The following OXCT1 variants were observed in gnomAD, a reference collection of about 807,000 sequenced individuals.
OXCT1 encodes 3-oxoacid CoA-transferase 1, also known as succinyl-CoA:3-ketoacid coenzyme A transferase 1, mitochondrial.
OXCT1 carries 27 observed loss-of-function variants against 69.6 expected under a neutral mutation model. The observed-to-expected ratio is 0.39, with a 90% CI of 0.29 to 0.54. The LOEUF is 0.54. Ranked by LOEUF, OXCT1 falls within the 20% of genes least tolerant of loss-of-function variation. OXCT1 has a pLI of 0.72. For synonymous variants in OXCT1, 202 were observed against 217.8 expected (o/e 0.93, Z 0.64); for missense variants, 437 against 650.2 (o/e 0.67, Z 3.57).
At chr5:41,860,580 C>T (rs995947081) in intron 3 of OXCT1, among the ~76,000 whole-genome samples, 2 of 152,114 alleles carry the variant, frequency 1.3e-5, no homozygotes, top group Non-Finnish European at 2.9e-5. Flanking sequence ...AAATAACCTA[C>T]ACTATTTATT....
At position 41,853,400 on chromosome 5, in the gene OXCT1, GA is replaced by G. The variant is rs138986017; in HGVS notation, c.414+18del. 148 of 1,610,886 alleles carry G rather than the reference GA, an allele frequency of 9.2e-5. No individual in the cohort carries two copies. The East Asian group carries it at 2.5e-3, about 27-fold the overall frequency. ...TTTAAAGTAAGTTAGTATTATAAAA[GA>G]AAAGCAAATTTTCTCACCTGTGGTG... On this transcript the variant is annotated intron_variant, in intron 4 of 16. Coordinates refer to ENST00000196371, the MANE Select transcript of OXCT1 (RefSeq NM_000436.4).
intron 7 of OXCT1, among the ~76,000 whole-genome samples, chr5:41,813,344 G>A (rs1355890212): frequency 1.3e-5 from 2 of 152,036 alleles, no homozygotes; most frequent in Admixed American, 1.3e-4. Context: ...TAAAGCCTTA[G>A]GGGGAAGTCT....
chr5:41,739,172 CCTGCTT>C (rs1743034453), intron 16 of OXCT1, among the ~76,000 whole-genome samples: 1 of 152,228 alleles, frequency 6.6e-6, no homozygotes. Flanking sequence ...GTGTCCCCTT[CCTGCTT>C]CTGAGTCCTA....
chr5:41,788,808 A>G (rs1440392703), intron 13 of OXCT1, among the ~76,000 whole-genome samples: 4 of 152,186 alleles, frequency 2.6e-5, no homozygotes, highest in Non-Finnish European at 4.4e-5. Flanking sequence ...AGAACACTGT[A>G]CCCAACAAGA....
chr5:41,822,534 A>G (rs1055561944), intron 7 of OXCT1, among the ~76,000 whole-genome samples: 2 of 152,074 alleles, frequency 1.3e-5, no homozygotes, highest in African/African-American at 2.4e-5. Flanking sequence ...GCTGGAGTTC[A>G]ATGATCTCAG....
intron 7 of OXCT1, among the ~76,000 whole-genome samples, chr5:41,827,643 C>T (rs1747871498): frequency 6.6e-6 from 1 of 152,158 alleles, no homozygotes; most frequent in Non-Finnish European, 1.5e-5. Flanking sequence ...CTAACCTTGG[C>T]TGTTTCAATC....
intron 14 of OXCT1, among the ~76,000 whole-genome samples, chr5:41,761,861 TA>T (rs1365299923): frequency 6.6e-6 from 1 of 152,188 alleles, no homozygotes; most frequent in African/African-American, 2.4e-5. Flanking sequence ...ATAAAGCTTT[TA>T]CTTTTAATAG....
intron 13 of OXCT1, among the ~76,000 whole-genome samples, chr5:41,779,710 T>C (rs1417972645): frequency 2.0e-5 from 3 of 151,186 alleles, no homozygotes; most frequent in Non-Finnish European, 3.0e-5. Context: ...ATGTAAAGTT[T>C]AGAAAAAAAA....
In OXCT1 at chr5:41,855,660, T is replaced by C. The variant is rs74640246; in HGVS notation, c.279-2106A>G. Among the ~76,000 whole-genome samples, 11 of 152,332 alleles carry C rather than the reference T, an allele frequency of 7.2e-5. No individual in the cohort carries two copies. The East Asian group carries it at 2.1e-3, about 29-fold the overall frequency. ...TAAAACTCCCTTACTGAGTGCTTATTCTATCCCTGTGTCAGGCTCTGGAGC... is the reference window on the plus strand; with the variant it reads ...TAAAACTCCCTTACTGAGTGCTTATCCTATCCCTGTGTCAGGCTCTGGAGC... On this transcript the variant is annotated intron_variant, in intron 3 of 16. Transcript: ENST00000196371.
At position 41,853,422 on chromosome 5, in the gene OXCT1, T is replaced by C. The variant is rs1749277386; in HGVS notation, c.411A>G (p.Pro137=). Residue 137 remains proline (P), a synonymous_variant, in exon 4 of 17, where the codon CCA becomes CCG. Coordinates refer to ENST00000196371, the MANE Select transcript of OXCT1 (RefSeq NM_000436.4). ...LSGELEVELT[P]QGTLAERIRA... ...AAAGAAAAGCAAATTTTCTCACCTGTGGTGTCAGCTCCACTTCTAATTCAC... is the reference window on the plus strand; with the variant it reads ...AAAGAAAAGCAAATTTTCTCACCTGCGGTGTCAGCTCCACTTCTAATTCAC... 6.2e-7 allele frequency: 1 copy of C among 1,613,552 alleles called. No homozygotes were observed. The highest frequency in any genetic ancestry group is 1.3e-5 in the African/African-American group (1 of 74,916).
chr5:41,765,752 A>G (rs1484313388), intron 13 of OXCT1, among the ~76,000 whole-genome samples: 1 of 152,154 alleles, frequency 6.6e-6, no homozygotes, highest in Admixed American at 6.6e-5. Flanking sequence ...GAGGTAAAAC[A>G]TGATTGCTGA....
chr5:41,781,443 T>C (rs1329489304), intron 13 of OXCT1, among the ~76,000 whole-genome samples: 1 of 152,132 alleles, frequency 6.6e-6, no homozygotes. Context: ...CTGCTTTTTT[T>C]TTTTTCCCTT....
intron 14 of OXCT1, among the ~76,000 whole-genome samples, chr5:41,751,172 T>C (rs961650006): frequency 3.9e-5 from 6 of 152,162 alleles, no homozygotes; most frequent in African/African-American, 1.4e-4. Flanking sequence ...CTTCTACAGT[T>C]GTCAGGTCTC....
chr5:41,862,761 A>G lies in OXCT1; in HGVS notation c.79-11T>C. 1.2e-6 allele frequency: 1 copy of G among 805,018 alleles called. No homozygotes were observed. Among genetic ancestry groups the G allele is most frequent in the African/African-American group, 1.8e-5 (1 of 55,162 alleles). 49.9% of individuals were successfully genotyped at this position (805,018 alleles called of 1,614,324 possible). A position where few individuals can be genotyped will look rare whatever the true frequency, so the allele number is the denominator to read the frequency against. On this transcript the variant is annotated splice_polypyrimidine_tract_variant and intron_variant, in intron 1 of 16. Transcript: ENST00000196371. ...GGAACAAACACATCCCTGAAATATT[A>G]AAAAAAAAAAATTGATAATCATTTG...
At chr5:41,791,806 ATTTT>A (rs998999445) in intron 13 of OXCT1, among the ~76,000 whole-genome samples, 2 of 148,038 alleles carry the variant, frequency 1.4e-5, no homozygotes, top group Admixed American at 6.7e-5. Flanking sequence ...TTATTTATTT[ATTTT>A]TTTTTTTATG....
chr5:41,768,195 A>G (rs1216206160), intron 13 of OXCT1, among the ~76,000 whole-genome samples: 1 of 152,188 alleles, frequency 6.6e-6, no homozygotes, highest in Non-Finnish European at 1.5e-5. Context: ...TGAAGTTACA[A>G]TTGGTCACAT....
At chr5:41,866,623 C>T (rs1252565555) in intron 1 of OXCT1, among the ~76,000 whole-genome samples, 3 of 152,164 alleles carry the variant, frequency 2.0e-5, no homozygotes, top group Non-Finnish European at 2.9e-5. Context: ...AGAAGAGGAC[C>T]GGTGTCTACC....
intron 7 of OXCT1, among the ~76,000 whole-genome samples, chr5:41,825,910 C>T (rs1004901535): frequency 1.3e-5 from 2 of 152,178 alleles, no homozygotes; most frequent in African/African-American, 4.8e-5. Flanking sequence ...AAGTTTTAAG[C>T]AGGAAATAAC....
chr5:41,787,299 G>A (rs1441960861), intron 13 of OXCT1, among the ~76,000 whole-genome samples: 3 of 152,078 alleles, frequency 2.0e-5, no homozygotes, highest in African/African-American at 7.2e-5. Context: ...TGAAAAAGTG[G>A]CTTTCGGACA....
Sources: allele counts gnomAD v4.1 joint callset (sites outside exome capture counted in the v4.1 genomes callset), GRCh38; gene constraint gnomAD v4.1.1; transcripts MANE v1.5; gene names NCBI Gene and HGNC (gene_info 2026-07-23, HGNC 2026-07-21).